Variants in RUNDC1 observed in about 807,000 individuals in gnomAD.
RUNDC1 encodes the protein RUN domain-containing protein 1.
RUNDC1 carries 31 observed loss-of-function variants against 49.3 expected under a neutral mutation model. That is an observed-to-expected ratio of 0.63 (90% CI 0.47 to 0.85). The LOEUF (loss-of-function observed/expected upper bound fraction) is 0.85. RUNDC1 is among the 40% of genes least tolerant of loss of function. The pLI, the probability that RUNDC1 is intolerant of heterozygous loss-of-function variation, is 0.00. For synonymous variants in RUNDC1, 347 were observed against 348.6 expected (o/e 1.00, Z 0.05); for missense variants, 715 against 806.7 (o/e 0.89, Z 1.38).
intron 2 of RUNDC1, 99 bp downstream of exon 2, chr17:42,987,513 C>A: frequency 8.6e-7 from 1 of 1,167,990 alleles, no homozygotes; most frequent in African/African-American, 1.5e-5. Context: ...CTCCTTTGGC[C>A]TTACTGAGAA....
At position 42,990,455 on chromosome 17, in the gene RUNDC1, A is replaced by G. The variant is rs1353325650; in HGVS notation, c.976+19A>G. The G allele has an allele frequency of 6.2e-7, 1 of 1,613,094 alleles. No homozygotes were observed. Among genetic ancestry groups the G allele is most frequent in the Non-Finnish European group, 8.5e-7 (1 of 1,179,616 alleles). On this transcript the variant is annotated intron_variant, in intron 4 of 4. Coordinates refer to ENST00000361677, the MANE Select transcript of RUNDC1 (RefSeq NM_173079.5). ...AGCAAAAGTAAGTGCAGTTTCCAGA[A>G]CAGGCAAATCTCTAGAGACAGAAAG...
intron 1 of RUNDC1, 185 bp downstream of exon 1, chr17:42,981,259 A>C (rs1368238978): frequency 5.6e-6 from 4 of 711,492 alleles, no homozygotes; most frequent in Admixed American, 3.3e-5. Flanking sequence ...GAGGCCTGGG[A>C]ACCTGAGGGT....
At position 42,993,550 on chromosome 17, in the gene RUNDC1, A is replaced by G. The variant is rs1365449050; in HGVS notation, c.*1834A>G. 1.3e-5 allele frequency: 2 copies of G among 152,202 alleles called. No homozygotes were observed. Among genetic ancestry groups the G allele is most frequent in the Admixed American group, 6.5e-5 (1 of 15,274 alleles). 9.4% of individuals were successfully genotyped at this position (152,202 alleles called of 1,614,324 possible). A position where few individuals can be genotyped will look rare whatever the true frequency, so the allele number is the denominator to read the frequency against. Reference sequence around the variant, plus strand: ...AAGAGAATTGTAAAATGTTGTGGAAAATGATACATATGTGGATGCTAATGA... The same window carrying G: ...AAGAGAATTGTAAAATGTTGTGGAAGATGATACATATGTGGATGCTAATGA... On this transcript the variant is annotated 3_prime_UTR_variant, in exon 5 of 5. Coordinates refer to ENST00000361677, the MANE Select transcript of RUNDC1 (RefSeq NM_173079.5).
intron 1 of RUNDC1, among the ~76,000 whole-genome samples, chr17:42,984,889 C>CTTTTTTTTTTTTTTTTTTTTTTTTTTTTT (rs56228523): frequency 9.2e-5 from 6 of 65,328 alleles, no homozygotes; most frequent in African/African-American, 2.4e-4. Context: ...TTCTTTCTTT[C>CTTTTTTTTTTTTTTTTTTTTTTTTTTTTT]TTTTTTTTTT....
At chr17:42,982,207 G>T (rs1468661392) in intron 1 of RUNDC1, among the ~76,000 whole-genome samples, 1 of 151,748 alleles carries the variant, frequency 6.6e-6, no homozygotes, top group African/African-American at 2.4e-5. Context: ...GGCTGGTCTC[G>T]AACTCCTGAG....
rs1266940698 is a variant in RUNDC1, at chr17:42,987,312, G to A, written c.555G>A (p.Leu185=). The A allele has an allele frequency of 6.2e-7, 1 of 1,614,038 alleles. No homozygotes were observed. The highest frequency in any genetic ancestry group is 1.7e-5 in the Admixed American group (1 of 59,994). The part of the protein sequence containing the change: ...LETQREKQKE[L]ILQLKTQLDD... Reference sequence around the variant, plus strand: ...CCCAAAGGGAGAAGCAGAAAGAACTGATACTGCAGCTCAAGACCCAGCTAG... The same window carrying A: ...CCCAAAGGGAGAAGCAGAAAGAACTAATACTGCAGCTCAAGACCCAGCTAG... The change falls in exon 2 of 5, where the codon CTG becomes CTA. Residue 185 remains leucine (L), a synonymous_variant. Transcript: ENST00000361677.
chr17:42,982,003 T>TTTTTTTTTTTTTTTTTTA (rs71157691), intron 1 of RUNDC1: 1 of 149,818 alleles, frequency 6.7e-6, no homozygotes, highest in African/African-American at 2.5e-5. Context: ...TTTTTTTTTT[T>TTTTTTTTTTTTTTTTTTA]GAGACAGAGT....
At chr17:42,987,120 G>A (rs1008682363) in intron 1 of RUNDC1, 136 bp from the exon 2 acceptor site, 2 of 594,806 alleles carry the variant, frequency 3.4e-6, no homozygotes, top group East Asian at 2.7e-5. Context: ...TGAATCTATC[G>A]TATGAATTGT....
At position 42,994,174 on chromosome 17, in the gene RUNDC1, A is replaced by C. The variant is rs1461434267; in HGVS notation, c.*2458A>C. Among the ~76,000 whole-genome samples the C allele has an allele frequency of 6.6e-6, 1 of 152,220 alleles. No homozygotes were observed. Among genetic ancestry groups the C allele is most frequent in the African/African-American group, 2.4e-5 (1 of 41,460 alleles). On this transcript the variant is annotated 3_prime_UTR_variant, in exon 5 of 5. Transcript: ENST00000361677. ...CACCCAGCCAGGATTGGCACTTTTA[A>C]ATCCACTTGTCTGGATATCACTTTG...
At position 42,991,695 on chromosome 17, in the gene RUNDC1, A is replaced by G. The variant is rs779392796; in HGVS notation, c.1821A>G (p.Lys607=). The G allele has an allele frequency of 6.2e-7, 1 of 1,612,956 alleles. No individual in the cohort carries two copies. Among genetic ancestry groups the G allele is most frequent in the Non-Finnish European group, 8.5e-7 (1 of 1,179,512 alleles). ...TAGATCTGGCTGTGCGCCAGCTCAA[A>G]AACATCAAAGATGCCTTTTGATGAG... ...LPVDLAVRQL[K]NIKDAF is the part of the protein sequence containing the mutation. The change falls in exon 5 of 5, where the codon AAA becomes AAG. Residue 607 remains lysine (K), a synonymous_variant. Coordinates refer to ENST00000361677, the MANE Select transcript of RUNDC1 (RefSeq NM_173079.5).
chr17:42,987,332 A>C lies in RUNDC1; in HGVS notation c.575A>C (p.Gln192Pro). Residue 192 changes from glutamine to proline, a missense_variant, in exon 2 of 5, where the codon CAG (glutamine) becomes CCG (proline). This residue lies in a region of RUNDC1 where 15 missense variants were observed against 47.9 expected (regional missense o/e 0.31). Coordinates refer to ENST00000361677, the MANE Select transcript of RUNDC1 (RefSeq NM_173079.5). ...GAACTGATACTGCAGCTCAAGACCC[A>C]GCTAGATGACCTGGAAACGTTTGCC... ...QKELILQLKTQLDDLETFAYQ... is the reference protein window; with the variant it reads ...QKELILQLKTPLDDLETFAYQ... The C allele has an allele frequency of 6.2e-7, 1 of 1,614,118 alleles. No individual in the cohort carries two copies. Among genetic ancestry groups the C allele is most frequent in the Non-Finnish European group, 8.5e-7 (1 of 1,179,968 alleles).
At position 42,991,725 on chromosome 17, in the gene RUNDC1, C is replaced by A; in HGVS notation, c.*9C>A. On this transcript the variant is annotated 3_prime_UTR_variant, in exon 5 of 5. Transcript: ENST00000361677. ...TCAAAGATGCCTTTTGATGAGAGTG[C>A]CCTAACCCCAGACAAGCTCCTTGTT... 6.2e-7 allele frequency: 1 copy of A among 1,602,082 alleles called. No individual in the cohort carries two copies. Among genetic ancestry groups the A allele is most frequent in the Non-Finnish European group, 8.5e-7 (1 of 1,174,436 alleles).
intron 1 of RUNDC1, among the ~76,000 whole-genome samples, chr17:42,984,260 G>A (rs970237162): frequency 3.3e-5 from 5 of 150,484 alleles, no homozygotes; most frequent in Admixed American, 2.6e-4. Flanking sequence ...ACAGGCATGA[G>A]CCACTGCACC....
Position 42,983,358 on chromosome 17 carries a change from C to CA in RUNDC1, c.498+2284_498+2285insA, listed in dbSNP as rs1312217892. On this transcript the variant is annotated intron_variant, in intron 1 of 4. Coordinates refer to ENST00000361677, the MANE Select transcript of RUNDC1 (RefSeq NM_173079.5). ...GAATGATTTACTTCTTACCACTTAC[C>CA]TTTTTTTTTCTTTTTCCTTTTTTTT... is the stretch of plus-strand genomic sequence containing the variant. Among the ~76,000 whole-genome samples the CA allele has an allele frequency of 2.0e-4, 29 of 145,242 alleles. No homozygotes were observed. In the South Asian group the frequency reaches 5.6e-3, roughly 28 times the overall value.
rs146612212 is a variant in RUNDC1 at position 42,982,624 on chromosome 17, C to G, written c.498+1550C>G. On this transcript the variant is annotated intron_variant, in intron 1 of 4. Coordinates refer to ENST00000361677, the MANE Select transcript of RUNDC1 (RefSeq NM_173079.5). ...TGATGTGATTATGACACATTGCATG[C>G]CTGTAGCAACATTTCATGTACCCCA... Among the ~76,000 whole-genome samples, 4 of 152,106 alleles carry G rather than the reference C, an allele frequency of 2.6e-5. No individual in the cohort carries two copies. The South Asian group carries it at 8.3e-4, about 31-fold the overall frequency.
At chr17:42,983,892 G>A (rs1352583467) in intron 1 of RUNDC1, among the ~76,000 whole-genome samples, 2 of 151,748 alleles carry the variant, frequency 1.3e-5, no homozygotes, top group Non-Finnish European at 2.9e-5. Context: ...GGCTGGTCTC[G>A]AACTCCTGGC....
chr17:42,981,308 G>T, intron 1 of RUNDC1: 1 of 552,940 alleles, frequency 1.8e-6, no homozygotes, highest in Non-Finnish European at 3.1e-6. Flanking sequence ...ATGTCGGTGC[G>T]TGATGACGTG....
Position 42,994,968 on chromosome 17 carries a change from C to T in RUNDC1, c.*3252C>T, listed in dbSNP as rs2050288070. ...AGTATTGTTAAAGCCGTCTAAGGTG[C>T]TCTCCAATCATTCATTCACTATTGA... On this transcript the variant is annotated 3_prime_UTR_variant, in exon 5 of 5. Transcript: ENST00000361677. Among the ~76,000 whole-genome samples, 1 of 152,072 alleles carries T rather than the reference C, an allele frequency of 6.6e-6. No homozygotes were observed. Among genetic ancestry groups the T allele is most frequent in the Admixed American group, 6.6e-5 (1 of 15,244 alleles).
At position 42,992,223 on chromosome 17, in the gene RUNDC1, AAAG is replaced by A. The variant is rs766532089; in HGVS notation, c.*511_*513del. On this transcript the variant is annotated 3_prime_UTR_variant, in exon 5 of 5. Transcript: ENST00000361677. The stretch of plus-strand genomic sequence containing the variant: ...GAGTGAGACTCCGTCTCAAAAAAAA[AAAG>A]AAGGTTGTACCCACAGTATACGTGT... The A allele has an allele frequency of 5.6e-5, 9 of 160,876 alleles. No individual in the cohort carries two copies. Among genetic ancestry groups the A allele is most frequent in the African/African-American group, 9.8e-5 (4 of 40,720 alleles). 10.0% of individuals were successfully genotyped at this position (160,876 alleles called of 1,614,324 possible).
Sources: allele counts gnomAD v4.1 joint callset (sites outside exome capture counted in the v4.1 genomes callset), GRCh38; gene constraint gnomAD v4.1.1; regional missense constraint gnomAD v4.1.1; transcripts MANE v1.5; gene names NCBI Gene and HGNC (gene_info 2026-07-23, HGNC 2026-07-21).